The following PCDHGA4 variants were observed in gnomAD, a reference collection of about 807,000 sequenced individuals.
PCDHGA4 encodes the protein protocadherin gamma-A4.
Under a neutral mutation model 54.6 loss-of-function variants are expected in PCDHGA4, and 38 were observed. The observed-to-expected ratio is 0.70, with a 90% CI of 0.54 to 0.91. The LOEUF is 0.91. PCDHGA4 is among the 40% of genes least tolerant of loss of function. PCDHGA4 has a pLI of 0.00. For missense variants in PCDHGA4, 1,298 were observed against 1,220.9 expected (o/e 1.06, Z -0.94); for synonymous variants, 511 against 512.9 (o/e 1.00, Z 0.05).
chr5:141,393,776 C>G, intron 1 of PCDHGA4: 1 of 1,613,714 alleles, frequency 6.2e-7, no homozygotes, highest in Admixed American at 1.7e-5. Flanking sequence ...AAATACAAGC[C>G]GAAGATGTGG....
intron 1 of PCDHGA4, among the ~76,000 whole-genome samples, chr5:141,359,198 A>G (rs1350534068): frequency 1.3e-5 from 2 of 152,176 alleles, no homozygotes; most frequent in Non-Finnish European, 2.9e-5. Flanking sequence ...ATAACAAGTG[A>G]ATGTTGAGAG....
intron 1 of PCDHGA4, chr5:141,410,361 G>A: frequency 1.9e-6 from 3 of 1,614,034 alleles, no homozygotes; most frequent in Non-Finnish European, 2.5e-6. Context: ...CGCTCTCTCA[G>A]CCCTGCTACT....
chr5:141,399,872 A>G (rs759178048), intron 1 of PCDHGA4: 2 of 1,612,652 alleles, frequency 1.2e-6, no homozygotes, highest in Non-Finnish European at 1.7e-6. Flanking sequence ...GAGCCCGGCT[A>G]CCTGGTGACC....
rs575694126 is a variant in PCDHGA4 at position 141,399,993 on chromosome 5, G to A, written c.2514+42372G>A. 3.1e-5 allele frequency: 50 copies of A among 1,612,336 alleles called. 1 individual carries two copies. Among genetic ancestry groups the A allele is most frequent in the Middle Eastern group, 1.8e-4 (1 of 5,462 alleles). On this transcript the variant is annotated intron_variant, in intron 1 of 3. Transcript: ENST00000571252. ...GCCTGGGGCTGCGCACAGGAGAGGT[G>A]CGCACAGCGCGTGCCTTGGGCGACA...
chr5:141,431,265 G>A lies in PCDHGA4; in HGVS notation c.2515-63542G>A. 2 of 1,614,168 alleles carry A rather than the reference G, an allele frequency of 1.2e-6. No homozygotes were observed. On this transcript the variant is annotated intron_variant, in intron 1 of 3. Transcript: ENST00000571252. This position sits in a 1 kb window ranked among gnomAD's most constrained non-coding sequence, Gnocchi z 4.8. ...GATATCGGGAAGAACTCTCTGCAGA[G>A]CTACGAGCTCAGCCCGAACACTCAC...
At position 141,432,851 on chromosome 5, in the gene PCDHGA4, G is replaced by T. The variant is rs561153330; in HGVS notation, c.2515-61956G>T. 8 of 1,614,198 alleles carry T rather than the reference G, an allele frequency of 5.0e-6. No homozygotes were observed. In the African/African-American group the frequency reaches 9.3e-5, roughly 19 times the overall value. ...CACTCTGTACCTGGTGGTAGCGGTG[G>T]CCGCGGTCTCCTGCGTCTTCCTGGC... On this transcript the variant is annotated intron_variant, in intron 1 of 3. Transcript: ENST00000571252. This position sits in a 1 kb window ranked among gnomAD's most constrained non-coding sequence, Gnocchi z 6.0.
At chr5:141,510,900 G>A in intron 3 of PCDHGA4, 47 bp from the exon 4 acceptor site, 6 of 1,613,378 alleles carry the variant, frequency 3.7e-6, no homozygotes, top group Non-Finnish European at 5.1e-6. Context: ...AGTGACTGTT[G>A]AGGACCCTAA....
At position 141,489,264 on chromosome 5, in the gene PCDHGA4, G is replaced by T. The variant is rs1314393358; in HGVS notation, c.2515-5543G>T. 10 of 1,553,088 alleles carry T rather than the reference G, an allele frequency of 6.4e-6. No individual in the cohort carries two copies. Among genetic ancestry groups the T allele is most frequent in the Non-Finnish European group, 7.0e-6 (8 of 1,149,620 alleles). ...TCATGGGGCCCAAGACACTCCCACA[G>T]CTCGCTGGGAAATGGCAAGTGCTGT... On this transcript the variant is annotated intron_variant, in intron 1 of 3. Transcript: ENST00000571252. The surrounding 1 kb of genome is among the most constrained non-coding windows in gnomAD (Gnocchi z 4.5).
At chr5:141,372,234 C>G in intron 1 of PCDHGA4, 1 of 1,613,350 alleles carries the variant, frequency 6.2e-7, no homozygotes, top group Non-Finnish European at 8.5e-7. Context: ...GGCCAGCGAG[C>G]CCGGGCTGTT....
intron 1 of PCDHGA4, among the ~76,000 whole-genome samples, chr5:141,444,150 GGATTT>G (rs2098419598): frequency 1.8e-5 from 2 of 114,012 alleles, no homozygotes; most frequent in Non-Finnish European, 3.5e-5. Flanking sequence ...TGTGTGTACT[GGATTT>G]TTTTTTTTTT....
intron 1 of PCDHGA4, chr5:141,370,692 T>G: frequency 6.2e-7 from 1 of 1,613,730 alleles, no homozygotes; most frequent in Non-Finnish European, 8.5e-7. Context: ...TGGCAAGAAG[T>G]CGACGTGTGT....
chr5:141,360,455 A>T lies in PCDHGA4; in HGVS notation c.2514+2834A>T, dbSNP rs369787624. ...CAGCCTCTGTGTGTTCTGGATTTCG[A>T]TACTGTCGCTGAAAATCCACTAAAT... On this transcript the variant is annotated intron_variant, in intron 1 of 3. Coordinates refer to ENST00000571252, the MANE Select transcript of PCDHGA4 (RefSeq NM_018917.4). The T allele has an allele frequency of 1.4e-5, 22 of 1,613,862 alleles. No individual in the cohort carries two copies. Among genetic ancestry groups the T allele is most frequent in the Non-Finnish European group, 1.7e-5 (20 of 1,179,882 alleles).
At chr5:141,381,261 C>G (rs1221626643) in intron 1 of PCDHGA4, among the ~76,000 whole-genome samples, 2 of 152,248 alleles carry the variant, frequency 1.3e-5, no homozygotes, top group Non-Finnish European at 2.9e-5. Flanking sequence ...AATTTACAAA[C>G]CAAGACTGTT....
intron 1 of PCDHGA4, chr5:141,388,395 C>A (rs1445370262): frequency 2.5e-6 from 4 of 1,613,810 alleles, no homozygotes; most frequent in African/African-American, 2.7e-5. Flanking sequence ...GCAGAATTAC[C>A]AACTCAGTCC....
In PCDHGA4 at chr5:141,355,299, C is replaced by T. The variant is rs537879124; in HGVS notation, c.192C>T (p.Tyr64=). The change falls in exon 1 of 4, where the codon TAC becomes TAT. Residue 64 remains tyrosine, a synonymous_variant. Transcript: ENST00000571252. ...AAATCAGGGCCGAACAGATTCTCTA[C>T]TCGGTGTTTGAGGAGCAGGAAGAAG... ...LVEIRAEQIL[Y]SVFEEQEEGS... 2.9e-4 allele frequency: 464 copies of T among 1,613,922 alleles called. 4 individuals carry two copies. In the East Asian group the frequency reaches 7.4e-3, roughly 26 times the overall value.
intron 1 of PCDHGA4, chr5:141,403,929 G>T: frequency 6.2e-7 from 1 of 1,613,854 alleles, no homozygotes; most frequent in Non-Finnish European, 8.5e-7. Flanking sequence ...GATGGTGGGG[G>T]ATTGAAAGGG....
rs1340974686 is a variant in PCDHGA4, at chr5:141,477,604, C to T, written c.2515-17203C>T. The T allele has an allele frequency of 6.2e-7, 1 of 1,614,084 alleles. No individual in the cohort carries two copies. Among genetic ancestry groups the T allele is most frequent in the Non-Finnish European group, 8.5e-7 (1 of 1,180,054 alleles). ...AGAATGCTCGGCTTTCTTTCTTTCT[C>T]TTGGAGCAAGGAGCTGAAACCGGGC... On this transcript the variant is annotated intron_variant, in intron 1 of 3. Coordinates refer to ENST00000571252, the MANE Select transcript of PCDHGA4 (RefSeq NM_018917.4). The surrounding 1 kb of genome is among the most constrained non-coding windows in gnomAD (Gnocchi z 4.9).
chr5:141,505,803 C>A (rs920849273), intron 3 of PCDHGA4, among the ~76,000 whole-genome samples: 2 of 152,234 alleles, frequency 1.3e-5, no homozygotes, highest in African/African-American at 4.8e-5. Flanking sequence ...GGACTTGGAT[C>A]GACTTGCTCA....
chr5:141,364,176 C>G, intron 1 of PCDHGA4: 1 of 835,076 alleles, frequency 1.2e-6, no homozygotes, highest in Non-Finnish European at 1.7e-6. Flanking sequence ...CGACTCTGCT[C>G]CCTCCATACT....
Sources: allele counts gnomAD v4.1 joint callset (sites outside exome capture counted in the v4.1 genomes callset), GRCh38; gene constraint gnomAD v4.1.1; non-coding constraint Gnocchi (gnomAD v3.1); transcripts MANE v1.5; gene names NCBI Gene and HGNC (gene_info 2026-07-23, HGNC 2026-07-21).